The following MECOM variants were observed in gnomAD, a reference collection of about 807,000 sequenced individuals.
The protein encoded by MECOM is MDS1 and EVI1 complex locus.
MECOM carries 13 observed loss-of-function variants against 116.3 expected under a neutral mutation model. The ratio of observed to expected loss-of-function variants is 0.11; its 90% CI spans 0.07 to 0.18. The LOEUF (loss-of-function observed/expected upper bound fraction) is 0.18, where lower values mean the gene tolerates loss of function less well. Among genes scored for constraint, MECOM ranks in the 10% least tolerant of loss-of-function variants. The probability of loss-of-function intolerance (pLI) is 1.00; values close to 1 mark genes in which losing one functional copy is unlikely to be tolerated. For missense variants in MECOM, 1,299 were observed against 1,509.0 expected (o/e 0.86, Z 2.31); for synonymous variants, 528 against 535.2 (o/e 0.99, Z 0.19).
intron 4 of MECOM, among the ~76,000 whole-genome samples, chr3:169,130,396 G>C (rs1734269168): frequency 6.6e-6 from 1 of 152,022 alleles, no homozygotes; most frequent in African/African-American, 2.4e-5. Context: ...GGAACTCTAG[G>C]TTTCTAAAGC....
intron 1 of MECOM, among the ~76,000 whole-genome samples, chr3:169,385,856 A>C (rs1211125652): frequency 6.6e-6 from 1 of 152,198 alleles, no homozygotes; most frequent in African/African-American, 2.4e-5. Context: ...ACAATAGGTA[A>C]GTATCAGGTA....
At chr3:169,247,302 C>T (rs1027092431) in intron 2 of MECOM, among the ~76,000 whole-genome samples, 3 of 143,854 alleles carry the variant, frequency 2.1e-5, no homozygotes, top group African/African-American at 7.8e-5. Flanking sequence ...CCACCTAATA[C>T]TTTTTTTTTT....
intron 2 of MECOM, among the ~76,000 whole-genome samples, chr3:169,281,051 T>G (rs528646767): frequency 5.9e-5 from 9 of 152,330 alleles, no homozygotes; most frequent in Admixed American, 4.6e-4. Flanking sequence ...AAAGCTACTC[T>G]GCATGGTTAT....
chr3:169,503,105 G>A (rs1305806947), intron 1 of MECOM, among the ~76,000 whole-genome samples: 1 of 152,174 alleles, frequency 6.6e-6, no homozygotes, highest in African/African-American at 2.4e-5. Flanking sequence ...CAGAGTCAGT[G>A]TCAATATCCC....
intron 2 of MECOM, among the ~76,000 whole-genome samples, chr3:169,169,990 A>G (rs1744166733): frequency 6.6e-6 from 1 of 152,212 alleles, no homozygotes; most frequent in Non-Finnish European, 1.5e-5. Flanking sequence ...AAATCCCCAG[A>G]CTATCACAAA....
intron 1 of MECOM, among the ~76,000 whole-genome samples, chr3:169,606,573 G>A (rs60649440): frequency 0.011 from 1,736 of 152,232 alleles, 33 homozygotes; most frequent in African/African-American, 0.039. Context: ...CAAAACCACC[G>A]CAAAGTACAG....
chr3:169,488,749 T>C (rs1422162278), intron 1 of MECOM, among the ~76,000 whole-genome samples: 1 of 151,928 alleles, frequency 6.6e-6, no homozygotes, highest in African/African-American at 2.4e-5. Context: ...ACAGAAATTA[T>C]AAAATAATTT....
At chr3:169,104,390 A>C (rs1724640866) in intron 10 of MECOM, among the ~76,000 whole-genome samples, 1 of 152,220 alleles carries the variant, frequency 6.6e-6, no homozygotes, top group Non-Finnish European at 1.5e-5. Flanking sequence ...TTCCTTGCAG[A>C]AAATCATTTT....
At chr3:169,610,525 G>A (rs73174383) in intron 1 of MECOM, among the ~76,000 whole-genome samples, 18,184 of 150,232 alleles carry the variant, frequency 0.12, 1,494 homozygotes, top group East Asian at 0.4. Context: ...GTGTGTGTGT[G>A]TGTATAATAT....
At chr3:169,607,566 A>G (rs1280361932) in intron 1 of MECOM, among the ~76,000 whole-genome samples, 3 of 152,270 alleles carry the variant, frequency 2.0e-5, no homozygotes, top group African/African-American at 7.2e-5. Context: ...TATTGGTAAG[A>G]ATAGAAGGAC....
At chr3:169,200,478 T>G (rs1459510585) in intron 2 of MECOM, among the ~76,000 whole-genome samples, 1 of 152,004 alleles carries the variant, frequency 6.6e-6, no homozygotes, top group East Asian at 1.9e-4. Context: ...TAAAAAAAAT[T>G]CAAAAGGGAA....
At chr3:169,182,857 AC>A (rs1422648061) in intron 2 of MECOM, among the ~76,000 whole-genome samples, 1 of 151,948 alleles carries the variant, frequency 6.6e-6, no homozygotes, top group Non-Finnish European at 1.5e-5. Context: ...CTACTTGAAC[AC>A]CTATCAGTAT....
At chr3:169,455,607 A>G (rs1746347244) in intron 1 of MECOM, among the ~76,000 whole-genome samples, 1 of 152,200 alleles carries the variant, frequency 6.6e-6, no homozygotes, top group Non-Finnish European at 1.5e-5. Flanking sequence ...ACAGGTGAGT[A>G]CAGCCACCTC....
At chr3:169,219,456 A>T (rs1045104738) in intron 2 of MECOM, among the ~76,000 whole-genome samples, 16 of 152,150 alleles carry the variant, frequency 1.1e-4, no homozygotes, top group African/African-American at 3.9e-4. Flanking sequence ...GCAGTGAGCC[A>T]AGATGGCGCC....
At position 169,340,947 on chromosome 3, in the gene MECOM, A is replaced by T. The variant is rs142752289; in HGVS notation, c.375+40240T>A. Among the ~76,000 whole-genome samples the T allele has an allele frequency of 3.9e-5, 6 of 152,358 alleles. No homozygotes were observed. In the East Asian group the frequency reaches 1.2e-3, roughly 29 times the overall value. On this transcript the variant is annotated intron_variant, in intron 2 of 16. Transcript: ENST00000651503. ...GAGACAAGCAGGTGGAACATTAAAA[A>T]ATCTGTCAATTATCCAGATATTTTG...
intron 2 of MECOM, among the ~76,000 whole-genome samples, chr3:169,237,610 C>CAAAAAAAAA (rs775383808): frequency 1.2e-5 from 1 of 80,644 alleles, no homozygotes; most frequent in African/African-American, 4.5e-5. Context: ...GTCTCCATCA[C>CAAAAAAAAA]AAAAAAAAAA....
chr3:169,173,784 T>C (rs1038946678), intron 2 of MECOM, among the ~76,000 whole-genome samples: 2 of 152,164 alleles, frequency 1.3e-5, no homozygotes, highest in African/African-American at 4.8e-5. Context: ...CTGCTTAAAG[T>C]CCTTGAATGA....
intron 2 of MECOM, among the ~76,000 whole-genome samples, chr3:169,158,761 A>C (rs1742379318): frequency 6.6e-6 from 1 of 152,182 alleles, no homozygotes; most frequent in South Asian, 2.1e-4. Context: ...TAAGATGTAA[A>C]TTCACTGAAT....
chr3:169,482,949 A>G (rs1340579883), intron 1 of MECOM, among the ~76,000 whole-genome samples: 1 of 152,206 alleles, frequency 6.6e-6, no homozygotes, highest in East Asian at 1.9e-4. Context: ...TGTTTCAAGG[A>G]GTATCAAGAT....
Sources: allele counts gnomAD v4.1 joint callset (sites outside exome capture counted in the v4.1 genomes callset), GRCh38; gene constraint gnomAD v4.1.1; transcripts MANE v1.5; gene names NCBI Gene and HGNC (gene_info 2026-07-23, HGNC 2026-07-21).